The following UGT2B4 variants were observed in gnomAD, a reference collection of about 807,000 sequenced individuals.
The protein encoded by UGT2B4 is UDP-glucuronosyltransferase 2B4.
UGT2B4 carries 49 observed loss-of-function variants against 49.8 expected under a neutral mutation model. The observed-to-expected ratio is 0.98, with a 90% CI of 0.78 to 1.25. UGT2B4 has a LOEUF of 1.25. Ranked by LOEUF, UGT2B4 falls within the 50% of genes most tolerant of loss-of-function variation. The probability of loss-of-function intolerance (pLI) is 0.00; values close to 1 mark genes in which losing one functional copy is unlikely to be tolerated. For missense variants in UGT2B4, 729 were observed against 627.7 expected (o/e 1.16, Z -1.73); for synonymous variants, 246 against 217.7 (o/e 1.13, Z -1.14).
At chr4:69,506,769 A>G (rs1467027244) in intron 1 of UGT2B4, among the ~76,000 whole-genome samples, 1 of 152,196 alleles carries the variant, frequency 6.6e-6, no homozygotes, top group African/African-American at 2.4e-5. Flanking sequence ...AGATGTAACA[A>G]AAAATGAAAA....
Position 69,510,977 on chromosome 4 carries a change from C to CCTTT in UGT2B4, c.-106+14709_-106+14710insAAAG, listed in dbSNP as rs1486311871. Among the ~76,000 whole-genome samples the CCTTT allele has an allele frequency of 5.1e-5, 5 of 98,164 alleles. 1 individual carries two copies. The highest frequency in any genetic ancestry group is 3.6e-5 in the African/African-American group (1 of 27,442). 64.4% of individuals were successfully genotyped at this position (98,164 alleles called of 152,430 possible). On this transcript the variant is annotated intron_variant, in intron 1 of 1. Transcript: ENST00000510114. ...TGTGGGCTTTTCATAAATACTCTTT[C>CCTTT]TTTTCTTTTCTTCTTTTTTTTTTTT...
chr4:69,524,051 G>C (rs1032568949), intron 1 of UGT2B4, among the ~76,000 whole-genome samples: 3 of 152,028 alleles, frequency 2.0e-5, no homozygotes, highest in African/African-American at 4.8e-5. Context: ...ATTAGGCTTT[G>C]GTTTAAGGAA....
chr4:69,502,091 CTCTTTCTTTCTTTCTT>C (rs1157898949), intron 1 of UGT2B4, among the ~76,000 whole-genome samples: 1,512 of 108,434 alleles, frequency 0.014, 47 homozygotes, highest in African/African-American at 0.049. Flanking sequence ...TTCTTTCTCT[CTCTTTCTTTCTTTCTT>C]TCTTTCTTTC....
At chr4:69,514,995 C>A (rs917738304) in intron 1 of UGT2B4, among the ~76,000 whole-genome samples, 4 of 152,134 alleles carry the variant, frequency 2.6e-5, no homozygotes, top group African/African-American at 9.7e-5. Context: ...ACATATGCAT[C>A]CAACACAGGA....
intron 5 of UGT2B4, among the ~76,000 whole-genome samples, chr4:69,484,368 C>T (rs1239433275): frequency 6.6e-6 from 1 of 151,972 alleles, no homozygotes; most frequent in East Asian, 1.9e-4. Flanking sequence ...CAACTGGAAA[C>T]AATCAAAAGG....
intron 1 of UGT2B4, among the ~76,000 whole-genome samples, chr4:69,510,489 C>T (rs915599776): frequency 9.0e-5 from 12 of 133,234 alleles, no homozygotes; most frequent in African/African-American, 1.1e-4. Flanking sequence ...TTTCTGTCAA[C>T]ATACCTTTCC....
intron 1 of UGT2B4, among the ~76,000 whole-genome samples, chr4:69,515,727 T>G (rs1728713140): frequency 6.6e-6 from 1 of 152,128 alleles, no homozygotes; most frequent in Admixed American, 6.5e-5. Context: ...GGAGCTCATT[T>G]TTTGAAAAAG....
rs199604241 is a variant in UGT2B4 at position 69,489,575 on chromosome 4, G to GA, written c.871-6dup. Reference sequence around the variant, plus strand: ...CTGGACAAACTCTTCCATTTCCTGTGAAAAAAAAGAATTTGTTCTATCATA... The same window carrying GA: ...CTGGACAAACTCTTCCATTTCCTGTGAAAAAAAAAGAATTTGTTCTATCATA... On this transcript the variant is annotated splice_polypyrimidine_tract_variant and splice_region_variant and intron_variant, in intron 2 of 5. Coordinates refer to ENST00000305107, the MANE Select transcript of UGT2B4 (RefSeq NM_021139.3). The GA allele has an allele frequency of 6.6e-5, 105 of 1,594,934 alleles. No homozygotes were observed. The highest frequency in any genetic ancestry group is 4.1e-4 in the African/African-American group (30 of 72,890).
chr4:69,512,976 G>C (rs1052612772), intron 1 of UGT2B4, among the ~76,000 whole-genome samples: 1 of 152,080 alleles, frequency 6.6e-6, no homozygotes, highest in Non-Finnish European at 1.5e-5. Flanking sequence ...GTAGAATCTG[G>C]ATATGAGAAC....
upstream of UGT2B4, among the ~76,000 whole-genome samples, chr4:69,496,450 G>T (rs1356188671): frequency 6.6e-6 from 1 of 152,170 alleles, no homozygotes; most frequent in African/African-American, 2.4e-5. Context: ...TGTTCCTGCA[G>T]TCTCTTTGAC....
rs41297369 is a variant in UGT2B4 at position 69,491,690 on chromosome 4, T to G, written c.870+2003A>C. Among the ~76,000 whole-genome samples the G allele has an allele frequency of 4.0e-3, 607 of 152,236 alleles. 6 individuals are homozygous for G. Among genetic ancestry groups the G allele is most frequent in the African/African-American group, 0.014 (585 of 41,586 alleles). Reference sequence around the variant, plus strand: ...AATTATCACATGTACTACGACTCAATCTTTTTCTTATCCTTCCACACCTCG... The same window carrying G: ...AATTATCACATGTACTACGACTCAAGCTTTTTCTTATCCTTCCACACCTCG... On this transcript the variant is annotated intron_variant, in intron 2 of 5. Coordinates refer to ENST00000305107, the MANE Select transcript of UGT2B4 (RefSeq NM_021139.3).
chr4:69,485,121 G>T (rs551487764), intron 5 of UGT2B4, 87 bp downstream of exon 5: 3 of 1,439,448 alleles, frequency 2.1e-6, no homozygotes, highest in East Asian at 2.3e-5. Context: ...GAAATCAGTC[G>T]CTTATAAAAA....
At chr4:69,482,192 A>G (rs1727612903) in intron 5 of UGT2B4, among the ~76,000 whole-genome samples, 2 of 152,150 alleles carry the variant, frequency 1.3e-5, no homozygotes, top group African/African-American at 4.8e-5. Context: ...TTTTGAGGCA[A>G]CCCTCTAAAT....
At chr4:69,524,925 C>T (rs1047264457) in intron 1 of UGT2B4, among the ~76,000 whole-genome samples, 1 of 152,028 alleles carries the variant, frequency 6.6e-6, no homozygotes, top group Non-Finnish European at 1.5e-5. Flanking sequence ...CAGAGTGTGG[C>T]TAACGGAAAG....
chr4:69,511,424 A>T (rs1728600173), intron 1 of UGT2B4, among the ~76,000 whole-genome samples: 1 of 152,132 alleles, frequency 6.6e-6, no homozygotes, highest in South Asian at 2.1e-4. Context: ...TGTGGTCTTC[A>T]TTCATCATTC....
intron 1 of UGT2B4, among the ~76,000 whole-genome samples, chr4:69,504,366 ACT>A (rs1728418354): frequency 6.6e-6 from 1 of 152,136 alleles, no homozygotes; most frequent in South Asian, 2.1e-4. Flanking sequence ...AGTATAAAGA[ACT>A]CTACTTTACA....
At chr4:69,489,375 T>TTAAAG in intron 3 of UGT2B4, 64 bp downstream of exon 3, 1 of 1,588,620 alleles carries the variant, frequency 6.3e-7, no homozygotes, top group Non-Finnish European at 8.6e-7. Context: ...TACAATTGGG[T>TTAAAG]TCTTTACAAA....
intron 2 of UGT2B4, among the ~76,000 whole-genome samples, chr4:69,491,977 T>G (rs1728000872): frequency 6.6e-6 from 1 of 152,094 alleles, no homozygotes; most frequent in Non-Finnish European, 1.5e-5. Context: ...CATAATGTAA[T>G]AAAAATGCTT....
chr4:69,513,395 G>T (rs1231555274), intron 1 of UGT2B4, among the ~76,000 whole-genome samples: 1 of 151,990 alleles, frequency 6.6e-6, no homozygotes, highest in Admixed American at 6.6e-5. Flanking sequence ...GATGGTTGTA[G>T]GTGTGCAGTC....
Sources: gnomAD v4.1 joint callset for allele counts (sites outside exome capture counted in the v4.1 genomes callset) on GRCh38, gnomAD v4.1.1 for gene constraint, MANE v1.5 for transcripts, NCBI Gene and HGNC (gene_info 2026-07-23, HGNC 2026-07-21) for gene names.